The following INTS4 variants were observed in gnomAD, a reference collection of about 807,000 sequenced individuals.
The protein encoded by INTS4 is MSTP093.
In INTS4, 70 loss-of-function variants were observed where a neutral mutation model predicts 119.5. That is an observed-to-expected ratio of 0.59 (90% CI 0.48 to 0.71). INTS4 has a LOEUF of 0.71. Among genes scored for constraint, INTS4 ranks in the 30% least tolerant of loss-of-function variants. The probability of loss-of-function intolerance (pLI) is 0.00; values close to 1 mark genes in which losing one functional copy is unlikely to be tolerated. For synonymous variants in INTS4, 316 were observed against 419.6 expected (o/e 0.75, Z 3.02); for missense variants, 867 against 1,173.2 (o/e 0.74, Z 3.81).
At chr11:77,909,859 C>T (rs1953048480) in intron 15 of INTS4, among the ~76,000 whole-genome samples, 1 of 152,138 alleles carries the variant, frequency 6.6e-6, no homozygotes, top group South Asian at 2.1e-4. Context: ...TCATCACTGG[C>T]CATCAGAGAA....
chr11:77,894,107 A>G (rs1952403367), intron 19 of INTS4, among the ~76,000 whole-genome samples, 183 bp downstream of exon 19: 1 of 152,118 alleles, frequency 6.6e-6, no homozygotes, highest in African/African-American at 2.4e-5. Context: ...CTATAACATT[A>G]AGGAAAAAAA....
intron 10 of INTS4, among the ~76,000 whole-genome samples, chr11:77,936,176 G>A (rs1195837831): frequency 1.3e-5 from 2 of 151,908 alleles, no homozygotes; most frequent in East Asian, 3.9e-4. Context: ...TATACAGGAT[G>A]GAATATATAC....
chr11:77,945,437 T>C (rs561622295), intron 8 of INTS4, among the ~76,000 whole-genome samples: 1 of 152,302 alleles, frequency 6.6e-6, no homozygotes, highest in South Asian at 2.1e-4. Context: ...CAACTGACTC[T>C]CTTCATCCTT....
At chr11:77,972,652 A>G (rs1021173445) in intron 4 of INTS4, among the ~76,000 whole-genome samples, 3 of 151,920 alleles carry the variant, frequency 2.0e-5, no homozygotes, top group African/African-American at 7.3e-5. Flanking sequence ...CCTGACCTCA[A>G]GTGATCTGCC....
At chr11:77,975,955 CA>C (rs34102366) in intron 4 of INTS4, among the ~76,000 whole-genome samples, 27,274 of 138,442 alleles carry the variant, frequency 0.2, 2,525 homozygotes, top group Middle Eastern at 0.25. Context: ...GACTCTATCT[CA>C]AAAAAAAAAA....
At chr11:77,899,592 C>T (rs1952688233) in intron 18 of INTS4, among the ~76,000 whole-genome samples, 1 of 151,958 alleles carries the variant, frequency 6.6e-6, no homozygotes, top group Non-Finnish European at 1.5e-5. Context: ...ATCGCTTGAA[C>T]CCAGGAGGCA....
intron 21 of INTS4, among the ~76,000 whole-genome samples, chr11:77,887,448 A>G (rs2136376595): frequency 6.6e-6 from 1 of 152,296 alleles, no homozygotes; most frequent in Middle Eastern, 3.4e-3. Context: ...ATCTATGACA[A>G]ACCCACAGCC....
In INTS4 at chr11:77,891,780, A is replaced by G. The variant is rs557543703; in HGVS notation, c.2349T>C (p.Leu783=). The G allele has an allele frequency of 1.9e-4, 311 of 1,612,012 alleles. 4 individuals carry two copies. The South Asian group carries it at 3.2e-3, about 16-fold the overall frequency. ...QDSFVDKLLD[L]MPRLMTSKPA... ...GTTTGGATGTCATGAGTCGGGGCATAAGGTCAAGGAGTTTGTCCACAAAGC... is the reference window on the plus strand; with the variant it reads ...GTTTGGATGTCATGAGTCGGGGCATGAGGTCAAGGAGTTTGTCCACAAAGC... The change falls in exon 20 of 23, where the codon CTT becomes CTC. Residue 783 remains leucine (L), a synonymous_variant. Transcript: ENST00000534064.
At chr11:77,958,208 T>C (rs912625405) in intron 7 of INTS4, among the ~76,000 whole-genome samples, 4 of 151,132 alleles carry the variant, frequency 2.6e-5, no homozygotes, top group African/African-American at 7.3e-5. Context: ...TAAAATATTC[T>C]ATAAATATTT....
Position 77,961,104 on chromosome 11 carries a change from T to C in INTS4, c.506A>G (p.Lys169Arg). ...LTDTSHGVRN[K>R]CLQLLGNLGS... is the part of the protein sequence containing the mutation. ...AAGATTGCCAAGTAACTGCAGGCAC[T>C]TATTTCTTACACCATGAGACGTATC... Residue 169 changes from lysine (K) to arginine (R), a missense_variant, in exon 5 of 23, where the codon AAG becomes AGG. By Grantham distance (26) the Lys-to-Arg change is conservative. Around this residue, in one of 5 missense-constraint regions of INTS4, gnomAD observed 224 missense variants for 231.8 expected, o/e 0.97. Coordinates refer to ENST00000534064, the MANE Select transcript of INTS4 (RefSeq NM_033547.4). The C allele has an allele frequency of 6.2e-7, 1 of 1,606,318 alleles. No individual in the cohort carries two copies. Among genetic ancestry groups the C allele is most frequent in the Non-Finnish European group, 8.5e-7 (1 of 1,178,158 alleles).
intron 8 of INTS4, among the ~76,000 whole-genome samples, 197 bp downstream of exon 8, chr11:77,955,745 T>C (rs1954303950): frequency 6.6e-6 from 1 of 151,850 alleles, no homozygotes; most frequent in East Asian, 1.9e-4. Flanking sequence ...CCGCCTGCCT[T>C]GGCCTCCCAA....
At chr11:77,964,323 T>C (rs1452598978) in intron 4 of INTS4, among the ~76,000 whole-genome samples, 1 of 152,070 alleles carries the variant, frequency 6.6e-6, no homozygotes, top group Admixed American at 6.6e-5. Context: ...ATCCTAGCAC[T>C]TTAGGAGGCC....
chr11:77,925,304 A>G (rs1026731176), intron 11 of INTS4, among the ~76,000 whole-genome samples: 2 of 152,220 alleles, frequency 1.3e-5, no homozygotes, highest in African/African-American at 4.8e-5. Context: ...AACAATTACA[A>G]CAGTAACATC....
At chr11:77,885,383 T>G (rs958337823) in intron 21 of INTS4, among the ~76,000 whole-genome samples, 1 of 151,800 alleles carries the variant, frequency 6.6e-6, no homozygotes, top group African/African-American at 2.4e-5. Context: ...GGCCTACCCT[T>G]ATTTCTTAAA....
intron 10 of INTS4, among the ~76,000 whole-genome samples, chr11:77,935,082 G>T (rs1421806238): frequency 6.6e-6 from 1 of 152,140 alleles, no homozygotes; most frequent in Non-Finnish European, 1.5e-5. Flanking sequence ...TCAAAGCACT[G>T]AAATTCTGAG....
chr11:77,905,495 T>C (rs1952921255), intron 16 of INTS4, among the ~76,000 whole-genome samples: 1 of 151,710 alleles, frequency 6.6e-6, no homozygotes, highest in South Asian at 2.1e-4. Context: ...AAACGGACTC[T>C]CTGGGTTCTG....
At chr11:77,975,445 T>A (rs1855907475) in intron 4 of INTS4, among the ~76,000 whole-genome samples, 2 of 152,116 alleles carry the variant, frequency 1.3e-5, no homozygotes, top group Non-Finnish European at 2.9e-5. Context: ...ATACTTTGTA[T>A]CTTTTCCATC....
intron 10 of INTS4, among the ~76,000 whole-genome samples, chr11:77,936,446 G>C (rs954801520): frequency 2.0e-5 from 3 of 152,120 alleles, no homozygotes; most frequent in African/African-American, 7.2e-5. Flanking sequence ...GCACTTGTGT[G>C]ATCATGGCTC....
intron 8 of INTS4, among the ~76,000 whole-genome samples, chr11:77,950,124 A>G (rs560188406): frequency 3.3e-5 from 5 of 152,162 alleles, no homozygotes; most frequent in African/African-American, 1.2e-4. Context: ...AGAACAGAAA[A>G]CCAAATACCG....
Sources: allele counts gnomAD v4.1 joint callset (sites outside exome capture counted in the v4.1 genomes callset), GRCh38; gene constraint gnomAD v4.1.1; regional missense constraint gnomAD v4.1.1; transcripts MANE v1.5; gene names NCBI Gene and HGNC (gene_info 2026-07-23, HGNC 2026-07-21).